HEBP2: variants seen among roughly 807,000 people sequenced by gnomAD.
The protein encoded by HEBP2 is heme-binding protein 2.
In HEBP2, 27 loss-of-function variants were observed where a neutral mutation model predicts 23.1. That is an observed-to-expected ratio of 1.17 (90% CI 0.86 to 1.61). The LOEUF is 1.61. Ranked by LOEUF, HEBP2 falls within the 40% of genes most tolerant of loss-of-function variation. The probability of loss-of-function intolerance (pLI) is 0.00; values close to 1 mark genes in which losing one functional copy is unlikely to be tolerated. For synonymous variants in HEBP2, 99 were observed against 95.1 expected, an observed-to-expected ratio of 1.04 and a Z score of -0.24; for missense variants, 245 against 253.8, an observed-to-expected ratio of 0.97 and a Z score of 0.24.
At chr6:138,410,354 G>A (rs1774723353) in intron 3 of HEBP2, among the ~76,000 whole-genome samples, 1 of 152,140 alleles carries the variant, frequency 6.6e-6, no homozygotes. Flanking sequence ...TCTAATTAGA[G>A]GGTTCAGTAT....
At chr6:138,406,498 G>A (rs2114764988) in intron 3 of HEBP2, among the ~76,000 whole-genome samples, 1 of 152,302 alleles carries the variant, frequency 6.6e-6, no homozygotes, top group East Asian at 1.9e-4. Context: ...CCGTAGGCTG[G>A]GTAGTTTATG....
chr6:138,407,498 C>T (rs1774669188), intron 3 of HEBP2, among the ~76,000 whole-genome samples: 1 of 152,252 alleles, frequency 6.6e-6, no homozygotes, highest in South Asian at 2.1e-4. Context: ...GCCCCCAAGG[C>T]TTCAAGTGGC....
rs984060740 is a variant in HEBP2, at chr6:138,406,506, A to G, written c.419+355A>G. 7.7e-4 allele frequency among the ~76,000 whole-genome samples: 117 copies of G among 152,338 alleles called. 1 individual carries two copies. The highest frequency in any genetic ancestry group is 2.8e-3 in the African/African-American group (115 of 41,588). On this transcript the variant is annotated intron_variant, in intron 3 of 3. Coordinates refer to ENST00000607197, the MANE Select transcript of HEBP2 (RefSeq NM_014320.3). Reference sequence around the variant, plus strand: ...CAAAATACCGTAGGCTGGGTAGTTTATGAAAAACAGAAATTTCTCTCTCAC... The same window carrying G: ...CAAAATACCGTAGGCTGGGTAGTTTGTGAAAAACAGAAATTTCTCTCTCAC...
Position 138,404,604 on chromosome 6 carries a change from G to A in HEBP2, c.102+7G>A. On this transcript the variant is annotated splice_region_variant and intron_variant, in intron 1 of 3. Coordinates refer to ENST00000607197, the MANE Select transcript of HEBP2 (RefSeq NM_014320.3). ...GGAGGACGCCGGCCCCCAGGTAGGC[G>A]CCGACTCGGGAGCGGAGGGGCTGGG... 2.4e-6 allele frequency: 3 copies of A among 1,271,012 alleles called. No homozygotes were observed. The highest frequency in any genetic ancestry group is 2.0e-6 in the Non-Finnish European group (2 of 1,007,562). The allele number at this position is 1,271,012 out of a possible 1,614,324, so 78.7% of individuals were successfully genotyped here.
At chr6:138,410,543 G>A (rs568153174) in intron 3 of HEBP2, among the ~76,000 whole-genome samples, 4 of 149,044 alleles carry the variant, frequency 2.7e-5, no homozygotes, top group South Asian at 4.2e-4. Context: ...ATACAATGGC[G>A]CAATCTCAGC....
At position 138,413,096 on chromosome 6, in the gene HEBP2, T is replaced by C. The variant is rs1562241374; in HGVS notation, c.*18T>C. The C allele has an allele frequency of 2.5e-6, 4 of 1,601,502 alleles. No homozygotes were observed. Among genetic ancestry groups the C allele is most frequent in the Non-Finnish European group, 3.4e-6 (4 of 1,169,918 alleles). On this transcript the variant is annotated 3_prime_UTR_variant, in exon 4 of 4. Transcript: ENST00000607197. ...ACGAATGAGAAAAATGAAAGGAAGT[T>C]CTGCTGTCAGAGGCAAAACATCTGT... is the stretch of plus-strand genomic sequence containing the variant.
intron 3 of HEBP2, among the ~76,000 whole-genome samples, chr6:138,408,185 GCT>G (rs1193224967): frequency 3.3e-5 from 5 of 152,160 alleles, no homozygotes; most frequent in Admixed American, 3.3e-4. Flanking sequence ...TCTTGAACAA[GCT>G]TTCTCATTTC....
rs1258497120 is a variant in HEBP2 at position 138,416,851 on chromosome 6, A to G, written c.*3773A>G. The G allele has an allele frequency of 6.6e-6, 1 of 152,154 alleles. No homozygotes were observed. Among genetic ancestry groups the G allele is most frequent in the East Asian group, 1.9e-4 (1 of 5,204 alleles). The allele number at this position is 152,154 out of a possible 1,614,324, so 9.4% of individuals were successfully genotyped here. Reference sequence around the variant, plus strand: ...AGATCACTCCAATTAAAAAACAAAAACATGATTCCTTGCCAGTTTCTAGTT... The same window carrying G: ...AGATCACTCCAATTAAAAAACAAAAGCATGATTCCTTGCCAGTTTCTAGTT... On this transcript the variant is annotated 3_prime_UTR_variant, in exon 4 of 4. Transcript: ENST00000607197.
chr6:138,405,075 A>C, intron 1 of HEBP2, 70 bp from the exon 2 acceptor site: 2 of 1,515,000 alleles, frequency 1.3e-6, no homozygotes, highest in Non-Finnish European at 1.8e-6. Context: ...AGATCATGGC[A>C]CCGGTATTTT....
Position 138,421,433 on chromosome 6 carries a change from A to G in HEBP2, c.*8355A>G, listed in dbSNP as rs1350923777. On this transcript the variant is annotated 3_prime_UTR_variant, in exon 4 of 4. Transcript: ENST00000607197. ...AGAGTTCAATCAAGATTCTTCAGAAATAGTAGGATGGCAGAAAGCAGATCG... is the reference window on the plus strand; with the variant it reads ...AGAGTTCAATCAAGATTCTTCAGAAGTAGTAGGATGGCAGAAAGCAGATCG... 6.6e-6 allele frequency: 1 copy of G among 152,230 alleles called. No individual in the cohort carries two copies. The highest frequency in any genetic ancestry group is 1.5e-5 in the Non-Finnish European group (1 of 68,052). 9.4% of individuals were successfully genotyped at this position (152,230 alleles called of 1,614,324 possible).
intron 1 of HEBP2, 125 bp from the exon 2 acceptor site, chr6:138,405,020 C>A: frequency 9.7e-7 from 1 of 1,032,336 alleles, no homozygotes. Context: ...AGGCCGGACC[C>A]CGGGGCGGTG....
At position 138,404,588 on chromosome 6, in the gene HEBP2, C is replaced by T. The variant is rs1381459297; in HGVS notation, c.93C>T (p.Ala31=). Residue 31 remains alanine (A), a synonymous_variant, in exon 1 of 4, where the codon GCC becomes GCT. Coordinates refer to ENST00000607197, the MANE Select transcript of HEBP2 (RefSeq NM_014320.3). ...ETPGWKAPED[A]GPQPGSYEIR... is the part of the protein sequence containing the mutation. Reference sequence around the variant, plus strand: ...CGGGCTGGAAGGCCCCGGAGGACGCCGGCCCCCAGGTAGGCGCCGACTCGG... The same window carrying T: ...CGGGCTGGAAGGCCCCGGAGGACGCTGGCCCCCAGGTAGGCGCCGACTCGG... The T allele has an allele frequency of 3.9e-6, 5 of 1,289,842 alleles. No homozygotes were observed. Among genetic ancestry groups the T allele is most frequent in the African/African-American group, 1.5e-5 (1 of 64,552 alleles). The allele number at this position is 1,289,842 out of a possible 1,614,324, so 79.9% of individuals were successfully genotyped here.
At chr6:138,403,776 T>C (rs1340716225), upstream of HEBP2, 2 of 403,138 alleles carry the variant, frequency 5.0e-6, no homozygotes, top group Non-Finnish European at 8.8e-6. Flanking sequence ...CCTGCGGGGA[T>C]GACTCAGAGG....
At chr6:138,412,006 TC>T (rs1171353597) in intron 3 of HEBP2, 3 of 425,922 alleles carry the variant, frequency 7.0e-6, no homozygotes, top group African/African-American at 4.2e-5. Context: ...GTTGATCTCT[TC>T]CATTGGATCA....
rs1774597335 is a variant in HEBP2, at chr6:138,404,441, C to G, written c.-55C>G. Reference sequence around the variant, plus strand: ...GCGCGCACACGCAGGCGGGGCGGCCCGGGGTGCGGGGCCTCTGCGCGGCTG... The same window carrying G: ...GCGCGCACACGCAGGCGGGGCGGCCGGGGGTGCGGGGCCTCTGCGCGGCTG... On this transcript the variant is annotated 5_prime_UTR_variant, in exon 1 of 4. Coordinates refer to ENST00000607197, the MANE Select transcript of HEBP2 (RefSeq NM_014320.3). 1.7e-6 allele frequency: 2 copies of G among 1,149,694 alleles called. No individual in the cohort carries two copies. Among genetic ancestry groups the G allele is most frequent in the Non-Finnish European group, 2.2e-6 (2 of 917,760 alleles). The allele number at this position is 1,149,694 out of a possible 1,614,324, so 71.2% of individuals were successfully genotyped here. A position where few individuals can be genotyped will look rare whatever the true frequency, so the allele number is the denominator to read the frequency against.
chr6:138,405,327 CG>C (rs1305014194), intron 2 of HEBP2, 47 bp downstream of exon 2: 3 of 1,605,018 alleles, frequency 1.9e-6, no homozygotes, highest in Non-Finnish European at 2.6e-6. Context: ...AAAGAGTCCC[CG>C]GGCTTATTAT....
chr6:138,406,132 G>T lies in HEBP2; in HGVS notation c.400G>T (p.Glu134Ter). Residue 134 changes from glutamate to a stop codon, truncating the protein, a stop_gained, in exon 3 of 4, where the codon GAA becomes TAA. Transcript: ENST00000607197. LOFTEE classifies it high-confidence loss of function. ...ESDVFIEDRA[E>*]MTVFVRSFDG... is the part of the protein sequence containing the mutation. ...AGATGTCTTCATTGAAGATAGAGCC[G>T]AAATGACTGTGTTTGTACGGTAAGT... 6.2e-7 allele frequency: 1 copy of T among 1,613,830 alleles called. No individual in the cohort carries two copies. Among genetic ancestry groups the T allele is most frequent in the Non-Finnish European group, 8.5e-7 (1 of 1,179,884 alleles).
Position 138,413,059 on chromosome 6 carries a change from C to T in HEBP2, c.599C>T (p.Pro200Leu). 1 of 1,612,748 alleles carries T rather than the reference C, an allele frequency of 6.2e-7. No homozygotes were observed. The highest frequency in any genetic ancestry group is 2.2e-5 in the East Asian group (1 of 44,864). The stretch of plus-strand genomic sequence containing the variant: ...GTGTGGTTGATTCAAAAAAATGAAC[C>T]CACCAAAGAAAACGAATGAGAAAAA... ...NEVWLIQKNE[P>L]TKENE Residue 200 changes from proline to leucine, a missense_variant, in exon 4 of 4, where the codon CCC (proline) becomes CTC (leucine). Transcript: ENST00000607197.
Position 138,406,075 on chromosome 6 carries a change from C to T in HEBP2, c.343C>T (p.Gln115Ter), listed in dbSNP as rs758975122. The change falls in exon 3 of 4, where the codon CAG (glutamine) becomes TAG (stop). Residue 115 changes from glutamine to a stop codon, truncating the protein, a stop_gained. Transcript: ENST00000607197. LOFTEE classifies it high-confidence loss of function. ...ITISLYIPSE[Q>*]QFDPPRPLES... ...CATTTCCCTGTATATTCCCTCTGAA[C>T]AGCAATTTGATCCACCCAGGCCTTT... 7 of 1,614,140 alleles carry T rather than the reference C, an allele frequency of 4.3e-6. No homozygotes were observed. In the South Asian group the frequency reaches 7.7e-5, roughly 18 times the overall value.
Sources: allele counts gnomAD v4.1 joint callset (sites outside exome capture counted in the v4.1 genomes callset), GRCh38; gene constraint gnomAD v4.1.1; transcripts MANE v1.5; gene names NCBI Gene and HGNC (gene_info 2026-07-23, HGNC 2026-07-21).